The following C12orf42 variants were observed in gnomAD, a reference collection of about 807,000 sequenced individuals.
C12orf42 encodes uncharacterized protein C12orf42.
C12orf42 carries 25 observed loss-of-function variants against 21.6 expected under a neutral mutation model. The observed-to-expected ratio is 1.16, with a 90% CI of 0.84 to 1.62. The LOEUF is 1.62. Among genes scored for constraint, C12orf42 ranks in the 40% most tolerant of loss-of-function variants. C12orf42 has a pLI of 0.00. For missense variants in C12orf42, 483 were observed against 459.3 expected (o/e 1.05, Z -0.47); for synonymous variants, 174 against 175.0 (o/e 0.99, Z 0.05).
chr12:103,296,433 C>T (rs570831443), intron 4 of C12orf42, among the ~76,000 whole-genome samples: 3 of 152,250 alleles, frequency 2.0e-5, no homozygotes, highest in African/African-American at 7.2e-5. Context: ...CCTGAGGAAT[C>T]GCCACAGTCT....
chr12:103,328,088 T>C (rs2040872634), intron 4 of C12orf42, among the ~76,000 whole-genome samples: 1 of 152,218 alleles, frequency 6.6e-6, no homozygotes, highest in South Asian at 2.1e-4. Context: ...AGCAGCCTCC[T>C]TCTTCATGGT....
At chr12:103,134,116 C>T in the C12orf42 span, among the ~76,000 whole-genome samples, 2 of 152,100 alleles carry the variant, frequency 1.3e-5, no homozygotes, top group African/African-American at 4.8e-5. Flanking sequence ...AACATTCTTG[C>T]CCATGAAGAC....
chr12:103,267,016 A>C (rs766026504), downstream of C12orf42, among the ~76,000 whole-genome samples: 5 of 152,164 alleles, frequency 3.3e-5, no homozygotes, highest in Non-Finnish European at 5.9e-5. Context: ...CAAATCCGGA[A>C]ACAAGCACAC....
chr12:103,530,050 T>G, the C12orf42 span, among the ~76,000 whole-genome samples: 1 of 152,240 alleles, frequency 6.6e-6, no homozygotes, highest in African/African-American at 2.4e-5. Context: ...ATTACTGACT[T>G]GACTTTAGGC....
chr12:103,189,129 G>A, the C12orf42 span, among the ~76,000 whole-genome samples: 36 of 152,286 alleles, frequency 2.4e-4, no homozygotes, highest in African/African-American at 7.2e-4. Context: ...TTAAAAACAT[G>A]AGACAAAAAC....
intron 3 of C12orf42, 121 bp downstream of exon 3, chr12:103,401,486 A>G: frequency 1.3e-6 from 1 of 786,288 alleles, no homozygotes; most frequent in Non-Finnish European, 2.1e-6. Context: ...AAATGTAAAA[A>G]ATCCTTTACT....
At chr12:103,304,350 A>G (rs79914948) in intron 5 of C12orf42, among the ~76,000 whole-genome samples, 5,884 of 152,288 alleles carry the variant, frequency 0.039, 380 homozygotes, top group African/African-American at 0.13. Context: ...GGAGAAGCAG[A>G]CTAACGAGCA....
At chr12:103,059,358 C>T in the C12orf42 span, among the ~76,000 whole-genome samples, 1 of 152,022 alleles carries the variant, frequency 6.6e-6, no homozygotes, top group Admixed American at 6.6e-5. Flanking sequence ...CAATAAAAGC[C>T]CAGGACCAGA....
the C12orf42 span, among the ~76,000 whole-genome samples, chr12:103,191,979 A>G: frequency 6.6e-6 from 1 of 152,094 alleles, no homozygotes; most frequent in Non-Finnish European, 1.5e-5. Flanking sequence ...AAACCTCACT[A>G]AAACCACAAA....
chr12:103,502,881 G>A, the C12orf42 span, among the ~76,000 whole-genome samples: 1 of 152,170 alleles, frequency 6.6e-6, no homozygotes, highest in Admixed American at 6.5e-5. Flanking sequence ...GTGGTTCACG[G>A]CGAGTGTTTT....
At chr12:103,385,889 C>T (rs1341445968) in intron 3 of C12orf42, among the ~76,000 whole-genome samples, 1 of 152,148 alleles carries the variant, frequency 6.6e-6, no homozygotes, top group Non-Finnish European at 1.5e-5. Flanking sequence ...GGAAATTATT[C>T]ACCTACTTCC....
chr12:103,102,626 CAG>C, the C12orf42 span, among the ~76,000 whole-genome samples: 1 of 152,166 alleles, frequency 6.6e-6, no homozygotes, highest in Non-Finnish European at 1.5e-5. Context: ...TAAAATAAAA[CAG>C]AACAATGACA....
intron 2 of C12orf42, among the ~76,000 whole-genome samples, chr12:103,445,739 A>G (rs1368280692): frequency 6.6e-6 from 1 of 152,054 alleles, no homozygotes; most frequent in African/African-American, 2.4e-5. Context: ...AAACGAATGG[A>G]ATCAATTCTT....
At chr12:103,433,513 T>C (rs1374453221) in intron 2 of C12orf42, among the ~76,000 whole-genome samples, 1 of 152,198 alleles carries the variant, frequency 6.6e-6, no homozygotes, top group Admixed American at 6.5e-5. Flanking sequence ...TTCCTAACAA[T>C]TGTACCAGTA....
chr12:103,119,462 A>G, the C12orf42 span, among the ~76,000 whole-genome samples: 1 of 152,166 alleles, frequency 6.6e-6, no homozygotes, highest in Non-Finnish European at 1.5e-5. Context: ...ATCTGGACCT[A>G]TGCCTAGGGG....
chr12:103,114,575 C>A, the C12orf42 span, among the ~76,000 whole-genome samples: 1 of 152,220 alleles, frequency 6.6e-6, no homozygotes, highest in African/African-American at 2.4e-5. Context: ...AACTCTTTCA[C>A]TTCTGCTTTT....
chr12:103,093,868 T>C, the C12orf42 span, among the ~76,000 whole-genome samples: 1 of 152,198 alleles, frequency 6.6e-6, no homozygotes, highest in East Asian at 1.9e-4. Flanking sequence ...GTCCTAAGAC[T>C]TTGCTCAGTC....
chr12:103,381,330 CA>C (rs1190074487), intron 3 of C12orf42, among the ~76,000 whole-genome samples: 1 of 152,106 alleles, frequency 6.6e-6, no homozygotes, highest in African/African-American at 2.4e-5. Flanking sequence ...CAGGTTAATG[CA>C]ATTGTCAAAG....
At chr12:103,365,061 T>C (rs1346287150) in intron 4 of C12orf42, among the ~76,000 whole-genome samples, 4 of 152,030 alleles carry the variant, frequency 2.6e-5, no homozygotes, top group Non-Finnish European at 5.9e-5. Flanking sequence ...TGAACATAGA[T>C]GCAAAAATCC....
Sources: allele counts gnomAD v4.1 joint callset (sites outside exome capture counted in the v4.1 genomes callset), GRCh38; gene constraint gnomAD v4.1.1; transcripts MANE v1.5; gene names NCBI Gene and HGNC (gene_info 2026-07-23, HGNC 2026-07-21).